The following PDE3A variants were observed in gnomAD, a reference collection of about 807,000 sequenced individuals.
PDE3A encodes the protein phosphodiesterase 3A, also known as cGMP-inhibited 3',5'-cyclic phosphodiesterase 3A.
Under a neutral mutation model 98.3 loss-of-function variants are expected in PDE3A, and 43 were observed. The observed-to-expected ratio is 0.44, with a 90% CI of 0.34 to 0.56. The LOEUF (loss-of-function observed/expected upper bound fraction) is 0.56. Among genes scored for constraint, PDE3A ranks in the 20% least tolerant of loss-of-function variants. PDE3A has a pLI of 0.01. For missense variants in PDE3A, 1,427 were observed against 1,440.7 expected, an observed-to-expected ratio of 0.99 and a Z score of 0.15; for synonymous variants, 663 against 567.9, an observed-to-expected ratio of 1.17 and a Z score of -2.38.
chr12:20,555,621 C>T lies in PDE3A; in HGVS notation c.961-1039C>T, dbSNP rs551514183. 6.3e-4 allele frequency among the ~76,000 whole-genome samples: 96 copies of T among 152,284 alleles called. 2 individuals carry two copies. In the South Asian group the frequency reaches 0.02, roughly 31 times the overall value. ...TTATATTCTTTCAAAATTAAAAATA[C>T]TGTTAGCTTTTGATTGAAATCTAGT... On this transcript the variant is annotated intron_variant, in intron 1 of 15. Transcript: ENST00000359062.
intron 10 of PDE3A, among the ~76,000 whole-genome samples, chr12:20,643,236 A>G (rs1164596524): frequency 6.6e-6 from 1 of 152,208 alleles, no homozygotes; most frequent in African/African-American, 2.4e-5. Context: ...TAAGGATAAA[A>G]TAAGGATAGC....
chr12:20,370,307 A>T lies in PDE3A; in HGVS notation c.960+63A>T, dbSNP rs1022074154. The stretch of plus-strand genomic sequence containing the variant: ...TTGAAACACTTGGCAACCGGCGCAG[A>T]GTGGAGAGAATCCGAGCGCTGGGAA... On this transcript the variant is annotated intron_variant, in intron 1 of 15. Coordinates refer to ENST00000359062, the MANE Select transcript of PDE3A (RefSeq NM_000921.5). 2.1e-6 allele frequency: 3 copies of T among 1,420,734 alleles called. No homozygotes were observed. In the Admixed American group the frequency reaches 7.2e-5, roughly 34 times the overall value. The allele number at this position is 1,420,734 out of a possible 1,614,324, so 88.0% of individuals were successfully genotyped here.
At chr12:20,629,148 CAA>C (rs2121505040) in intron 5 of PDE3A, among the ~76,000 whole-genome samples, 1 of 152,242 alleles carries the variant, frequency 6.6e-6, no homozygotes, top group African/African-American at 2.4e-5. Context: ...AGAGTAACTT[CAA>C]AAGACATCGT....
At chr12:20,599,846 C>T (rs941639084) in intron 2 of PDE3A, among the ~76,000 whole-genome samples, 4 of 152,018 alleles carry the variant, frequency 2.6e-5, no homozygotes, top group Admixed American at 2.6e-4. Context: ...TTTCATTGCT[C>T]AATTTATTGC....
rs1942230706 is a variant in PDE3A, at chr12:20,552,230, G to A, written c.961-4430G>A. 26 of 1,614,004 alleles carry A rather than the reference G, an allele frequency of 1.6e-5. No individual in the cohort carries two copies. In the South Asian group the frequency reaches 2.7e-4, roughly 17 times the overall value. ...GACTGGCGGTCGGGGAAGCCGGTCA[G>A]GGTGGTGCGCAATGTCAAGGGTGGC... On this transcript the variant is annotated intron_variant, in intron 1 of 15. Transcript: ENST00000359062. This position sits in a 1 kb window ranked among gnomAD's most constrained non-coding sequence, Gnocchi z 5.1.
At chr12:20,525,477 G>GGA (rs1555156826) in intron 1 of PDE3A, among the ~76,000 whole-genome samples, 19 of 144,876 alleles carry the variant, frequency 1.3e-4, no homozygotes, top group African/African-American at 4.6e-4. Flanking sequence ...TGGGGGGGGG[G>GGA]GCTTTTGACA....
chr12:20,394,640 A>G (rs1232202738), intron 1 of PDE3A, among the ~76,000 whole-genome samples: 1 of 152,112 alleles, frequency 6.6e-6, no homozygotes, highest in East Asian at 1.9e-4. Flanking sequence ...TAAATTTTAC[A>G]ATTATAATCT....
At chr12:20,514,220 T>C (rs1448534486) in intron 1 of PDE3A, among the ~76,000 whole-genome samples, 1 of 152,232 alleles carries the variant, frequency 6.6e-6, no homozygotes, top group Non-Finnish European at 1.5e-5. Context: ...TACTTTAGCC[T>C]ATACCTCATA....
At chr12:20,388,596 C>A (rs1184828199) in intron 1 of PDE3A, among the ~76,000 whole-genome samples, 2 of 151,898 alleles carry the variant, frequency 1.3e-5, no homozygotes, top group Admixed American at 1.3e-4. Context: ...ATTGAGACTA[C>A]CTCACTGATT....
chr12:20,552,376 G>A lies in PDE3A; in HGVS notation c.961-4284G>A. The A allele has an allele frequency of 3.1e-6, 5 of 1,613,670 alleles. No homozygotes were observed. The highest frequency in any genetic ancestry group is 3.3e-5 in the Admixed American group (2 of 60,020). ...CGTGTGGCGCTACCTTCTGCGGAGG[G>A]ACGATGATGAGCCCGGCCCTTGGAC... is the stretch of plus-strand genomic sequence containing the variant. On this transcript the variant is annotated intron_variant, in intron 1 of 15. Coordinates refer to ENST00000359062, the MANE Select transcript of PDE3A (RefSeq NM_000921.5). The surrounding 1 kb of genome is among the most constrained non-coding windows in gnomAD (Gnocchi z 5.1).
intron 1 of PDE3A, among the ~76,000 whole-genome samples, chr12:20,471,191 T>C (rs573659045): frequency 6.6e-6 from 1 of 152,266 alleles, no homozygotes; most frequent in Non-Finnish European, 1.5e-5. Context: ...CAGCCTAGCA[T>C]TTGAACTCTT....
rs1338964211 is a variant in PDE3A at position 20,605,907 on chromosome 12, T to A, written c.1012-7536T>A. On this transcript the variant is annotated intron_variant, in intron 2 of 15. Transcript: ENST00000359062. ...GTGACACGCCAGAATGTTCACTGAG[T>A]CAGAAGACTGGAGAATTATTACATT... 4.6e-5 allele frequency among the ~76,000 whole-genome samples: 7 copies of A among 152,152 alleles called. No homozygotes were observed. The East Asian group carries it at 1.2e-3, about 25-fold the overall frequency.
At chr12:20,525,471 G>GT (rs926890124) in intron 1 of PDE3A, among the ~76,000 whole-genome samples, 2 of 147,980 alleles carry the variant, frequency 1.4e-5, no homozygotes, top group Non-Finnish European at 3.0e-5. Context: ...TTTGGTTGGG[G>GT]GGGGGGGCTT....
chr12:20,592,433 C>T (rs146369512), intron 2 of PDE3A, among the ~76,000 whole-genome samples: 22 of 152,130 alleles, frequency 1.4e-4, no homozygotes, highest in African/African-American at 5.1e-4. Flanking sequence ...TAATATCAAA[C>T]GACTATGCTA....
rs536920786 is a variant in PDE3A at position 20,513,628 on chromosome 12, T to C, written c.961-43032T>C. ...GTGGAAATATACACTAAAATTACTT[T>C]AGCATTTTCAAGATTTTCAGATTTT... On this transcript the variant is annotated intron_variant, in intron 1 of 15. Transcript: ENST00000359062. Among the ~76,000 whole-genome samples the C allele has an allele frequency of 8.5e-5, 13 of 152,286 alleles. No individual in the cohort carries two copies. In the East Asian group the frequency reaches 2.3e-3, roughly 27 times the overall value.
rs964567538 is a variant in PDE3A at position 20,685,183 on chromosome 12, C to G, written c.*4912C>G. ...ATCCCAGCACTTTGGGAGGCCAAGG[C>G]TGGTGGATCACCTGAGGTCGGGAGT... On this transcript the variant is annotated 3_prime_UTR_variant, in exon 16 of 16. Coordinates refer to ENST00000359062, the MANE Select transcript of PDE3A (RefSeq NM_000921.5). Among the ~76,000 whole-genome samples the G allele has an allele frequency of 3.9e-5, 6 of 152,058 alleles. No homozygotes were observed. Among genetic ancestry groups the G allele is most frequent in the Non-Finnish European group, 8.8e-5 (6 of 67,986 alleles).
intron 15 of PDE3A, among the ~76,000 whole-genome samples, chr12:20,676,466 T>A (rs1184094357): frequency 2.6e-5 from 4 of 151,786 alleles, no homozygotes; most frequent in Non-Finnish European, 4.4e-5. Flanking sequence ...ATACTTTTCT[T>A]TTGCTGTTTT....
At chr12:20,546,694 T>C (rs1942069260) in intron 1 of PDE3A, among the ~76,000 whole-genome samples, 1 of 152,086 alleles carries the variant, frequency 6.6e-6, no homozygotes, top group South Asian at 2.1e-4. Context: ...ACCCCTGCTC[T>C]CATGCATTTT....
At chr12:20,609,740 A>G (rs1347683157) in intron 2 of PDE3A, among the ~76,000 whole-genome samples, 2 of 152,050 alleles carry the variant, frequency 1.3e-5, no homozygotes, top group African/African-American at 4.8e-5. Context: ...CCAGAAGTAA[A>G]TTCAAGCATA....
Sources: allele counts gnomAD v4.1 joint callset (sites outside exome capture counted in the v4.1 genomes callset), GRCh38; gene constraint gnomAD v4.1.1; non-coding constraint Gnocchi (gnomAD v3.1); transcripts MANE v1.5; gene names NCBI Gene and HGNC (gene_info 2026-07-23, HGNC 2026-07-21).